The following PRKG1 variants were observed in gnomAD, a reference collection of about 807,000 sequenced individuals.
PRKG1 encodes protein kinase cGMP-dependent 1, also known as cGMP-dependent protein kinase 1.
A neutral mutation model predicts 88.1 loss-of-function variants in PRKG1; 35 were observed. The observed-to-expected ratio is 0.40, with a 90% CI of 0.30 to 0.53. The LOEUF is 0.53. Among genes scored for constraint, PRKG1 ranks in the 20% least tolerant of loss-of-function variants. PRKG1 has a pLI of 0.59. For synonymous variants in PRKG1, 303 were observed against 292.5 expected, an observed-to-expected ratio of 1.04 and a Z score of -0.37; for missense variants, 540 against 839.8, an observed-to-expected ratio of 0.64 and a Z score of 4.41.
chr10:51,984,225 G>T (rs1021334828), intron 5 of PRKG1, among the ~76,000 whole-genome samples: 4 of 152,150 alleles, frequency 2.6e-5, no homozygotes, highest in African/African-American at 7.2e-5. Flanking sequence ...GAAATATTTT[G>T]TAAGAGGAAT....
At chr10:51,565,517 A>G (rs1295276837) in intron 3 of PRKG1, among the ~76,000 whole-genome samples, 8 of 152,134 alleles carry the variant, frequency 5.3e-5, no homozygotes, top group Non-Finnish European at 4.4e-5. Context: ...GCCGTGAGCT[A>G]TATGATTGGC....
At chr10:51,021,275 A>G (rs1301369719) in intron 1 of PRKG1, among the ~76,000 whole-genome samples, 1 of 152,234 alleles carries the variant, frequency 6.6e-6, no homozygotes, top group Non-Finnish European at 1.5e-5. Context: ...GGTTAGACAG[A>G]GCTCCTAAAG....
chr10:51,163,499 A>G (rs1846422311), intron 2 of PRKG1, among the ~76,000 whole-genome samples: 1 of 152,134 alleles, frequency 6.6e-6, no homozygotes, highest in Non-Finnish European at 1.5e-5. Context: ...CATCTGAGGT[A>G]CCGGGTTCAT....
At position 51,437,978 on chromosome 10, in the gene PRKG1, C is replaced by T. The variant is rs79332220; in HGVS notation, c.479-29745C>T. ...AAGAAATCTTGCTCTAGATTAAAAA[C>T]ATTGCTGCTGAAACTATGGTTCTTG... On this transcript the variant is annotated intron_variant, in intron 2 of 17. Coordinates refer to ENST00000373980, the MANE Select transcript of PRKG1 (RefSeq NM_006258.4). Among the ~76,000 whole-genome samples the T allele has an allele frequency of 1.7e-3, 265 of 151,732 alleles. 2 individuals carry two copies. Among genetic ancestry groups the T allele is most frequent in the Non-Finnish European group, 3.0e-3 (203 of 67,830 alleles).
intron 2 of PRKG1, among the ~76,000 whole-genome samples, chr10:51,386,575 G>C (rs1588903027): frequency 6.6e-6 from 1 of 152,032 alleles, no homozygotes; most frequent in Admixed American, 6.6e-5. Flanking sequence ...CCTCTTACTC[G>C]GCCTTTTTGT....
intron 3 of PRKG1, among the ~76,000 whole-genome samples, chr10:51,582,628 A>G (rs1363748050): frequency 2.0e-5 from 3 of 152,108 alleles, no homozygotes; most frequent in Non-Finnish European, 2.9e-5. Context: ...TGCAAAGGAC[A>G]TGATCTCATT....
At chr10:51,817,222 G>A (rs1030894853) in intron 4 of PRKG1, among the ~76,000 whole-genome samples, 2 of 152,026 alleles carry the variant, frequency 1.3e-5, no homozygotes, top group Non-Finnish European at 2.9e-5. Flanking sequence ...TATACTTTAA[G>A]TTCTGGGATA....
chr10:51,667,501 A>G (rs1161620072), intron 3 of PRKG1, among the ~76,000 whole-genome samples: 1 of 152,206 alleles, frequency 6.6e-6, no homozygotes, highest in African/African-American at 2.4e-5. Context: ...GCTGAATTAG[A>G]TATAGGGAAC....
At chr10:51,546,448 T>C (rs1842447158) in intron 3 of PRKG1, among the ~76,000 whole-genome samples, 1 of 152,110 alleles carries the variant, frequency 6.6e-6, no homozygotes, top group Admixed American at 6.6e-5. Context: ...CGTAATACTT[T>C]TAATTCTAAA....
At chr10:52,159,219 G>A (rs1838212835) in intron 8 of PRKG1, among the ~76,000 whole-genome samples, 1 of 151,264 alleles carries the variant, frequency 6.6e-6, no homozygotes, top group Non-Finnish European at 1.5e-5. Flanking sequence ...TTTAAAAATA[G>A]TTTTTATAAT....
intron 7 of PRKG1, among the ~76,000 whole-genome samples, chr10:52,076,350 A>G (rs557040979): frequency 3.7e-4 from 57 of 152,374 alleles, no homozygotes; most frequent in African/African-American, 1.3e-3. Flanking sequence ...GGAGGTCAGG[A>G]GTTCAAGACC....
chr10:51,890,688 G>T (rs577875135), intron 4 of PRKG1, among the ~76,000 whole-genome samples: 7 of 152,296 alleles, frequency 4.6e-5, no homozygotes, highest in African/African-American at 1.7e-4. Flanking sequence ...AGGCGCAGTG[G>T]CTCACGCCTG....
intron 5 of PRKG1, among the ~76,000 whole-genome samples, chr10:51,927,612 G>GTT (rs1842607171): frequency 4.6e-5 from 7 of 152,036 alleles, no homozygotes; most frequent in Non-Finnish European, 1.5e-5. Context: ...ACATGCTATA[G>GTT]AGTCCCACTT....
In PRKG1 at chr10:51,670,761, T is replaced by A. The variant is rs867633371; in HGVS notation, c.593-133824T>A. Among the ~76,000 whole-genome samples the A allele has an allele frequency of 7.8e-4, 90 of 115,560 alleles. 2 individuals carry two copies. Among genetic ancestry groups the A allele is most frequent in the African/African-American group, 1.9e-3 (65 of 34,540 alleles). 75.8% of individuals were successfully genotyped at this position (115,560 alleles called of 152,430 possible). A position where few individuals can be genotyped will look rare whatever the true frequency, so the allele number is the denominator to read the frequency against. On this transcript the variant is annotated intron_variant, in intron 3 of 17. Transcript: ENST00000373980. ...AAAAAAAAATAAATAAATAAATAAA[T>A]AAATAAATAAATAAATAAATAAATA...
intron 1 of PRKG1, among the ~76,000 whole-genome samples, chr10:51,046,024 A>G (rs1306401748): frequency 1.2e-4 from 18 of 152,240 alleles, no homozygotes; most frequent in Non-Finnish European, 5.9e-5. Context: ...AGAGACAGAC[A>G]CTAAGCTTTC....
rs116409784 is a variant in PRKG1, at chr10:52,189,619, A to C, written c.1076+27656A>C. 4.1e-3 allele frequency among the ~76,000 whole-genome samples: 619 copies of C among 152,262 alleles called. 4 individuals carry two copies. Among genetic ancestry groups the C allele is most frequent in the African/African-American group, 0.014 (587 of 41,556 alleles). ...TATGAGGTGGTACAGTTTCATCCTGAAACCATTTATCCCACCCTCAATCCA... is the reference window on the plus strand; with the variant it reads ...TATGAGGTGGTACAGTTTCATCCTGCAACCATTTATCCCACCCTCAATCCA... On this transcript the variant is annotated intron_variant, in intron 9 of 17. Transcript: ENST00000373980.
rs74905373 is a variant in PRKG1, at chr10:52,282,183, T to C, written c.1576T>C (p.Phe526Leu). ...TTTTGGCTTTGCAAAGAAAATAGGATTTGGAAAGAAAACATGGACTTTTTG... is the reference window on the plus strand; with the variant it reads ...TTTTGGCTTTGCAAAGAAAATAGGACTTGGAAAGAAAACATGGACTTTTTG... ...VDFGFAKKIG[F>L]GKKTWTFCGT... Residue 526 changes from phenylalanine (F) to leucine (L), a missense_variant, in exon 14 of 18, where the codon TTT becomes CTT. Coordinates refer to ENST00000373980, the MANE Select transcript of PRKG1 (RefSeq NM_006258.4). 1.1e-5 allele frequency: 18 copies of C among 1,606,134 alleles called. No homozygotes were observed. Among genetic ancestry groups the C allele is most frequent in the Non-Finnish European group, 1.5e-5 (18 of 1,175,702 alleles).
chr10:51,113,943 ACGTGTGTGTGTGTG>A (rs953315897), intron 1 of PRKG1, among the ~76,000 whole-genome samples: 3 of 112,056 alleles, frequency 2.7e-5, no homozygotes, highest in African/African-American at 4.4e-5. Flanking sequence ...CAGCCTGTAA[ACGTGTGTGTGTGTG>A]TGTGTGTGTG....
At chr10:51,534,123 A>G (rs1300478662) in intron 3 of PRKG1, among the ~76,000 whole-genome samples, 1 of 152,226 alleles carries the variant, frequency 6.6e-6, no homozygotes, top group African/African-American at 2.4e-5. Context: ...TAGTAGGCTC[A>G]TAAAATCCCT....
Sources: gnomAD v4.1 joint callset for allele counts (sites outside exome capture counted in the v4.1 genomes callset) on GRCh38, gnomAD v4.1.1 for gene constraint, MANE v1.5 for transcripts, NCBI Gene and HGNC (gene_info 2026-07-23, HGNC 2026-07-21) for gene names.